The following DTNB variants were observed in gnomAD, a reference collection of about 807,000 sequenced individuals.
DTNB encodes DTN-B.
Under a neutral mutation model 90.7 loss-of-function variants are expected in DTNB, and 63 were observed. The ratio of observed to expected loss-of-function variants is 0.69; its 90% CI spans 0.57 to 0.86. The LOEUF (loss-of-function observed/expected upper bound fraction) is 0.86. Among genes scored for constraint, DTNB ranks in the 40% least tolerant of loss-of-function variants. The pLI is 0.00. For synonymous variants in DTNB, 277 were observed against 286.7 expected (o/e 0.97, Z 0.34); for missense variants, 744 against 807.1 (o/e 0.92, Z 0.95).
chr2:25,626,606 G>C (rs2074216715), intron 4 of DTNB, among the ~76,000 whole-genome samples: 1 of 152,138 alleles, frequency 6.6e-6, no homozygotes, highest in Non-Finnish European at 1.5e-5. Flanking sequence ...AAAAAAATAA[G>C]TAAATTTCTT....
intron 4 of DTNB, among the ~76,000 whole-genome samples, chr2:25,610,171 C>T (rs1310361471): frequency 1.3e-5 from 2 of 152,076 alleles, no homozygotes; most frequent in South Asian, 2.1e-4. Flanking sequence ...AATACAGTGG[C>T]GTGATCACAG....
intron 10 of DTNB, 22 bp from the exon 11 acceptor site, chr2:25,455,516 A>G: frequency 6.3e-7 from 1 of 1,590,164 alleles, no homozygotes; most frequent in Non-Finnish European, 8.6e-7. Flanking sequence ...GGAGGCAAAG[A>G]CAGCAAGCGT....
chr2:25,417,790 C>A (rs1428322846), intron 16 of DTNB, among the ~76,000 whole-genome samples: 2 of 152,152 alleles, frequency 1.3e-5, no homozygotes, highest in Non-Finnish European at 2.9e-5. Flanking sequence ...GGGGATGAGA[C>A]CATCAGGAGC....
chr2:25,416,127 T>C (rs2047858229), intron 16 of DTNB, among the ~76,000 whole-genome samples: 1 of 152,188 alleles, frequency 6.6e-6, no homozygotes, highest in Middle Eastern at 3.2e-3. Context: ...CAGAATTGAA[T>C]TAAATCGTAG....
chr2:25,610,864 C>T (rs1185064820), intron 4 of DTNB, among the ~76,000 whole-genome samples: 1 of 152,156 alleles, frequency 6.6e-6, no homozygotes, highest in African/African-American at 2.4e-5. Flanking sequence ...TGCACACCAC[C>T]ATGCCCAGAT....
chr2:25,442,221 T>C (rs1280624446), intron 12 of DTNB, among the ~76,000 whole-genome samples: 1 of 152,232 alleles, frequency 6.6e-6, no homozygotes, highest in Non-Finnish European at 1.5e-5. Context: ...AGGAATCTGA[T>C]AGATTAACAG....
chr2:25,526,242 A>G (rs1404389581), intron 9 of DTNB, among the ~76,000 whole-genome samples: 1 of 151,492 alleles, frequency 6.6e-6, no homozygotes, highest in African/African-American at 2.4e-5. Flanking sequence ...CATGGGGGAA[A>G]CATGCCATAC....
chr2:25,573,092 C>G (rs922543571), intron 8 of DTNB, among the ~76,000 whole-genome samples: 1 of 152,088 alleles, frequency 6.6e-6, no homozygotes, highest in African/African-American at 2.4e-5. Flanking sequence ...ATTACAGGCA[C>G]CCGCCACCAC....
intron 2 of DTNB, among the ~76,000 whole-genome samples, chr2:25,642,163 G>C (rs1453558719): frequency 6.6e-6 from 1 of 152,082 alleles, no homozygotes; most frequent in South Asian, 2.1e-4. Flanking sequence ...ATACAAGTGA[G>C]ATAAGTAACA....
intron 9 of DTNB, among the ~76,000 whole-genome samples, chr2:25,488,796 A>G (rs1475627715): frequency 1.3e-5 from 2 of 152,092 alleles, no homozygotes; most frequent in African/African-American, 4.8e-5. Flanking sequence ...GATTACAGGC[A>G]TCCGCCATCA....
intron 15 of DTNB, 46 bp downstream of exon 15, chr2:25,427,489 G>A: frequency 6.3e-7 from 1 of 1,587,028 alleles, no homozygotes; most frequent in Non-Finnish European, 8.6e-7. Context: ...TGAGGCTGTG[G>A]TGGGAGAAGA....
At chr2:25,389,081 C>T (rs560534197) in intron 16 of DTNB, among the ~76,000 whole-genome samples, 1 of 152,326 alleles carries the variant, frequency 6.6e-6, no homozygotes, top group South Asian at 2.1e-4. Flanking sequence ...CTCCTGAGCT[C>T]ATGCAATCTG....
chr2:25,636,011 C>G (rs2077049402), intron 3 of DTNB, among the ~76,000 whole-genome samples: 1 of 152,114 alleles, frequency 6.6e-6, no homozygotes, highest in Admixed American at 6.5e-5. Context: ...TGTACAGATT[C>G]ATGAATATGT....
chr2:25,421,322 A>G (rs1408894454), intron 15 of DTNB: 3 of 152,152 alleles, frequency 2.0e-5, no homozygotes, highest in Non-Finnish European at 4.4e-5. Context: ...GAGACTCCCA[A>G]CTCAGCATGG....
chr2:25,480,668 C>T (rs991469085), intron 10 of DTNB, among the ~76,000 whole-genome samples: 1 of 152,046 alleles, frequency 6.6e-6, no homozygotes, highest in Non-Finnish European at 1.5e-5. Flanking sequence ...GGTGACTTAG[C>T]GTGACAGAAC....
At chr2:25,661,609 T>C (rs1488830588) in intron 1 of DTNB, among the ~76,000 whole-genome samples, 2 of 152,236 alleles carry the variant, frequency 1.3e-5, no homozygotes, top group African/African-American at 2.4e-5. Context: ...CAGAATTCTA[T>C]TTCTTCACCT....
rs562293925 is a variant in DTNB, at chr2:25,643,348, C to G, written c.68-4254G>C. Among the ~76,000 whole-genome samples, 23 of 152,298 alleles carry G rather than the reference C, an allele frequency of 1.5e-4. No individual in the cohort carries two copies. The South Asian group carries it at 4.8e-3, about 32-fold the overall frequency. On this transcript the variant is annotated intron_variant, in intron 2 of 20. Transcript: ENST00000406818. Reference sequence around the variant, plus strand: ...CCCCATGTGGCTCCTACTGCACTGTCATTTCCAGGAAACGAAGTTACATGA... The same window carrying G: ...CCCCATGTGGCTCCTACTGCACTGTGATTTCCAGGAAACGAAGTTACATGA...
At chr2:25,447,498 T>TC (rs1403063949) in intron 12 of DTNB, among the ~76,000 whole-genome samples, 132 of 140,538 alleles carry the variant, frequency 9.4e-4, no homozygotes, top group African/African-American at 3.3e-3. Context: ...CAGCTAGTTA[T>TC]CTTTTTTTTT....
intron 10 of DTNB, among the ~76,000 whole-genome samples, chr2:25,465,071 T>C (rs2061553535): frequency 6.6e-6 from 1 of 152,054 alleles, no homozygotes; most frequent in Non-Finnish European, 1.5e-5. Flanking sequence ...GCAACATAAG[T>C]TAGCAATATT....
Sources: allele counts gnomAD v4.1 joint callset (sites outside exome capture counted in the v4.1 genomes callset), GRCh38; gene constraint gnomAD v4.1.1; transcripts MANE v1.5; gene names NCBI Gene and HGNC (gene_info 2026-07-23, HGNC 2026-07-21).